Variants in DENND1A observed in about 807,000 individuals in gnomAD.
DENND1A encodes DENN domain containing 1A.
Under a neutral mutation model 113.7 loss-of-function variants are expected in DENND1A, and 51 were observed. That is an observed-to-expected ratio of 0.45 (90% confidence interval 0.36 to 0.57). The LOEUF is 0.57. Among genes scored for constraint, DENND1A ranks in the 20% least tolerant of loss-of-function variants. DENND1A has a pLI of 0.00. For missense variants in DENND1A, 1,258 were observed against 1,395.9 expected, an observed-to-expected ratio of 0.90 and a Z score of 1.57; for synonymous variants, 565 against 570.8, an observed-to-expected ratio of 0.99 and a Z score of 0.14.
At chr9:123,477,588 G>T (rs1419362536) in intron 13 of DENND1A, among the ~76,000 whole-genome samples, 2 of 151,846 alleles carry the variant, frequency 1.3e-5, no homozygotes, top group Non-Finnish European at 2.9e-5. Context: ...GGGCCTGTCG[G>T]GGGAGGGTGG....
chr9:123,431,052 A>T (rs2046099055), intron 19 of DENND1A, among the ~76,000 whole-genome samples: 1 of 152,176 alleles, frequency 6.6e-6, no homozygotes, highest in South Asian at 2.1e-4. Flanking sequence ...GGTCTGATGA[A>T]CATGACTGGA....
At chr9:123,921,774 A>C (rs1262574685) in intron 1 of DENND1A, among the ~76,000 whole-genome samples, 1 of 152,224 alleles carries the variant, frequency 6.6e-6, no homozygotes, top group Non-Finnish European at 1.5e-5. Context: ...ACATATAACC[A>C]GTCCTCACCT....
intron 13 of DENND1A, among the ~76,000 whole-genome samples, chr9:123,486,411 C>T (rs756133212): frequency 2.0e-5 from 3 of 152,176 alleles, no homozygotes; most frequent in Non-Finnish European, 2.9e-5. Flanking sequence ...TGGGCTCTGC[C>T]GCCAGCCCCA....
At chr9:123,710,973 G>A (rs940295122) in intron 5 of DENND1A, among the ~76,000 whole-genome samples, 5 of 151,950 alleles carry the variant, frequency 3.3e-5, no homozygotes, top group Admixed American at 6.6e-5. Flanking sequence ...ATGCCCAGCC[G>A]GAAGAGATCT....
intron 21 of DENND1A, among the ~76,000 whole-genome samples, chr9:123,391,129 G>A (rs2042820797): frequency 6.6e-6 from 1 of 152,264 alleles, no homozygotes; most frequent in African/African-American, 2.4e-5. Context: ...ACTGTGGTGG[G>A]CGGGGGAAGA....
At chr9:123,615,802 A>C (rs939201594) in intron 10 of DENND1A, among the ~76,000 whole-genome samples, 2 of 152,242 alleles carry the variant, frequency 1.3e-5, no homozygotes, top group African/African-American at 4.8e-5. Context: ...CCATGGTGCC[A>C]TGTGCAGAGC....
chr9:123,810,608 A>C (rs919250658), intron 2 of DENND1A, among the ~76,000 whole-genome samples: 6 of 151,786 alleles, frequency 4.0e-5, no homozygotes, highest in Non-Finnish European at 8.8e-5. Flanking sequence ...AAAGGAAAAA[A>C]AAAACTATTA....
At chr9:123,828,483 T>C (rs1327052924) in intron 2 of DENND1A, among the ~76,000 whole-genome samples, 1 of 151,786 alleles carries the variant, frequency 6.6e-6, no homozygotes, top group Non-Finnish European at 1.5e-5. Flanking sequence ...ATAAGTAATG[T>C]TAAGAAATAC....
At chr9:123,556,686 C>T (rs184866464) in intron 13 of DENND1A, among the ~76,000 whole-genome samples, 79 of 152,364 alleles carry the variant, frequency 5.2e-4, no homozygotes, top group African/African-American at 1.8e-3. Context: ...CCGTTCAAGA[C>T]GAAGGCAGCC....
intron 1 of DENND1A, among the ~76,000 whole-genome samples, chr9:123,915,239 C>A (rs1337024606): frequency 6.6e-6 from 1 of 151,902 alleles, no homozygotes; most frequent in Admixed American, 6.6e-5. Flanking sequence ...TTACTGTGAC[C>A]CTGATGTTAT....
chr9:123,835,159 T>C (rs1302995019), intron 2 of DENND1A, among the ~76,000 whole-genome samples: 1 of 148,896 alleles, frequency 6.7e-6, no homozygotes, highest in Non-Finnish European at 1.5e-5. Flanking sequence ...CTCGGTGAAC[T>C]AATCAGGACA....
chr9:123,852,531 G>A (rs1843534902), intron 2 of DENND1A, among the ~76,000 whole-genome samples: 1 of 152,160 alleles, frequency 6.6e-6, no homozygotes, highest in Admixed American at 6.5e-5. Flanking sequence ...ATAGCATTAA[G>A]TCCTTCAAAG....
chr9:123,538,396 T>A (rs935817239), intron 13 of DENND1A, among the ~76,000 whole-genome samples: 1 of 152,154 alleles, frequency 6.6e-6, no homozygotes, highest in Non-Finnish European at 1.5e-5. Flanking sequence ...TAGCAATGAG[T>A]ATCCTAAGCC....
Position 123,516,884 on chromosome 9 carries a change from C to CAAA in DENND1A, c.993+40683_993+40685dup, listed in dbSNP as rs546001517. ...CTGGTGACAGAGTGAGACTCTGTCTCAAAAAAAAAAAAAAAAAAAAAAAAA... is the reference window on the plus strand; with the variant it reads ...CTGGTGACAGAGTGAGACTCTGTCTCAAAAAAAAAAAAAAAAAAAAAAAAAAAA... On this transcript the variant is annotated intron_variant, in intron 13 of 23. Coordinates refer to ENST00000394215, the MANE Select transcript of DENND1A (RefSeq NM_001352964.2). Among the ~76,000 whole-genome samples, 31 of 93,378 alleles carry CAAA rather than the reference C, an allele frequency of 3.3e-4. 3 individuals are homozygous for CAAA. Among genetic ancestry groups the CAAA allele is most frequent in the African/African-American group, 1.7e-3 (27 of 16,188 alleles). The allele number at this position is 93,378 out of a possible 152,430, so 61.3% of individuals were successfully genotyped here.
At chr9:123,888,701 C>T (rs1253093552) in intron 1 of DENND1A, among the ~76,000 whole-genome samples, 1 of 152,296 alleles carries the variant, frequency 6.6e-6, no homozygotes, top group East Asian at 1.9e-4. Context: ...GGCTGAAAAT[C>T]TCTTCCAGAC....
intron 2 of DENND1A, among the ~76,000 whole-genome samples, chr9:123,814,673 G>A (rs921644126): frequency 1.3e-5 from 2 of 152,018 alleles, no homozygotes; most frequent in African/African-American, 2.4e-5. Context: ...AAGAGACCTT[G>A]GAACAAAAGT....
intron 13 of DENND1A, among the ~76,000 whole-genome samples, chr9:123,530,854 TTAA>T (rs1437739973): frequency 2.0e-5 from 3 of 152,130 alleles, no homozygotes; most frequent in Non-Finnish European, 4.4e-5. Context: ...TTAACAATAA[TTAA>T]TAAAATAAAT....
At chr9:123,543,407 A>G (rs1241846953) in intron 13 of DENND1A, among the ~76,000 whole-genome samples, 1 of 152,238 alleles carries the variant, frequency 6.6e-6, no homozygotes, top group Non-Finnish European at 1.5e-5. Flanking sequence ...GTAAAGTGTA[A>G]CAATTCCAAA....
chr9:123,721,808 A>C (rs1272324347), intron 5 of DENND1A, among the ~76,000 whole-genome samples: 1 of 152,200 alleles, frequency 6.6e-6, no homozygotes, highest in African/African-American at 2.4e-5. Context: ...TGGAACTGTA[A>C]GTCCATTAAA....
Sources: gnomAD v4.1 joint callset for allele counts (sites outside exome capture counted in the v4.1 genomes callset) on GRCh38, gnomAD v4.1.1 for gene constraint, MANE v1.5 for transcripts, NCBI Gene and HGNC (gene_info 2026-07-23, HGNC 2026-07-21) for gene names.